TANC2: variants seen among roughly 807,000 people sequenced by gnomAD.
TANC2 encodes protein TANC2.
Under a neutral mutation model 210.5 loss-of-function variants are expected in TANC2, and 26 were observed. The ratio of observed to expected loss-of-function variants is 0.12; its 90% CI spans 0.09 to 0.17. The LOEUF (loss-of-function observed/expected upper bound fraction) is 0.17. Among genes scored for constraint, TANC2 ranks in the 10% least tolerant of loss-of-function variants. The pLI is 1.00. For missense variants in TANC2, 2,129 were observed against 2,608.9 expected (o/e 0.82, Z 4.01); for synonymous variants, 931 against 967.1 (o/e 0.96, Z 0.69).
intron 2 of TANC2, among the ~76,000 whole-genome samples, chr17:63,013,693 C>T (rs577078259): frequency 1.0e-4 from 14 of 134,974 alleles, no homozygotes; most frequent in African/African-American, 2.8e-4. Context: ...GCCTGGGAGG[C>T]GGAGGTTGCA....
rs555562467 is a variant in TANC2 at position 62,989,872 on chromosome 17, G to A, written c.-23-19665G>A. Among the ~76,000 whole-genome samples, 897 of 147,952 alleles carry A rather than the reference G, an allele frequency of 6.1e-3. 11 individuals are homozygous for A. The highest frequency in any genetic ancestry group is 0.022 in the African/African-American group (860 of 39,354). ...CTGCAACCTCGTCTCCTGGGTTCAAGTGATTCTTCTGCCTCAGCCTCCTGA... is the reference window on the plus strand; with the variant it reads ...CTGCAACCTCGTCTCCTGGGTTCAAATGATTCTTCTGCCTCAGCCTCCTGA... On this transcript the variant is annotated intron_variant, in intron 1 of 27. Coordinates refer to ENST00000689528, the Ensembl canonical transcript of TANC2.
chr17:63,240,248 G>A (rs754030210), intron 8 of TANC2, among the ~76,000 whole-genome samples: 9 of 152,240 alleles, frequency 5.9e-5, no homozygotes, highest in South Asian at 2.1e-4. Flanking sequence ...GAAAATTCTG[G>A]TTCTATTATT....
chr17:63,070,789 T>C (rs569842187), intron 2 of TANC2, among the ~76,000 whole-genome samples: 1 of 151,120 alleles, frequency 6.6e-6, no homozygotes, highest in Non-Finnish European at 1.5e-5. Flanking sequence ...TCATCCAGTA[T>C]CGAAAACCAC....
At chr17:63,329,874 C>G (rs985747080) in intron 11 of TANC2, among the ~76,000 whole-genome samples, 1 of 152,130 alleles carries the variant, frequency 6.6e-6, no homozygotes, top group Non-Finnish European at 1.5e-5. Context: ...CTGCACATCT[C>G]TCACATTAAA....
chr17:62,992,627 T>C (rs938750638), intron 1 of TANC2, among the ~76,000 whole-genome samples: 1 of 152,224 alleles, frequency 6.6e-6, no homozygotes, highest in Non-Finnish European at 1.5e-5. Context: ...AAAAGATACA[T>C]ATAATACAGT....
At chr17:63,129,995 C>G (rs143923711) in intron 4 of TANC2, among the ~76,000 whole-genome samples, 98 of 152,074 alleles carry the variant, frequency 6.4e-4, no homozygotes, top group African/African-American at 2.3e-3. Flanking sequence ...AAGTTGGCTT[C>G]ATATATACGG....
intron 4 of TANC2, among the ~76,000 whole-genome samples, chr17:63,123,611 T>C (rs545756952): frequency 9.2e-4 from 139 of 150,366 alleles, no homozygotes; most frequent in Middle Eastern, 3.4e-3. Context: ...TGAAAATAAG[T>C]AAGGTTTTAA....
In TANC2 at chr17:63,392,884, T is replaced by G. The variant is rs115796253; in HGVS notation, c.3052-2859T>G. ...TAGGCAAAAAAAAATGCATAGAGTT[T>G]CTATATATCCTCCATTCAGCTTCTC... On this transcript the variant is annotated intron_variant, in intron 17 of 27. Transcript: ENST00000689528. 2.9e-3 allele frequency among the ~76,000 whole-genome samples: 440 copies of G among 152,346 alleles called. 2 individuals are homozygous for G. The highest frequency in any genetic ancestry group is 0.01 in the African/African-American group (417 of 41,582).
intron 9 of TANC2, among the ~76,000 whole-genome samples, chr17:63,275,630 C>T (rs568298037): frequency 6.6e-6 from 1 of 152,222 alleles, no homozygotes; most frequent in Admixed American, 6.5e-5. Flanking sequence ...GGAATATTTC[C>T]ATCAGTCTTT....
At chr17:63,373,159 G>A (rs918110515) in intron 14 of TANC2, among the ~76,000 whole-genome samples, 2 of 151,994 alleles carry the variant, frequency 1.3e-5, no homozygotes, top group Admixed American at 1.3e-4. Context: ...GCCTCCCAAA[G>A]TGCCGAGACT....
chr17:63,087,540 A>G (rs979787122), intron 3 of TANC2, among the ~76,000 whole-genome samples: 1 of 152,114 alleles, frequency 6.6e-6, no homozygotes, highest in Non-Finnish European at 1.5e-5. Flanking sequence ...CTCTGGGAAA[A>G]TAATTTCTCC....
At chr17:63,081,007 T>C (rs965897097) in intron 3 of TANC2, among the ~76,000 whole-genome samples, 9 of 152,178 alleles carry the variant, frequency 5.9e-5, no homozygotes, top group African/African-American at 2.2e-4. Context: ...ATCAGTATTG[T>C]TGGTAGCATG....
In TANC2 at chr17:63,098,479, CA is replaced by C. The variant is rs1567721070; in HGVS notation, c.140-695del. On this transcript the variant is annotated intron_variant, in intron 3 of 27. Transcript: ENST00000689528. ...ACACACACACACACACACACACACACATACACTCTCTCTCTCTCTCTCTCTC... is the reference window on the plus strand; with the variant it reads ...ACACACACACACACACACACACACACTACACTCTCTCTCTCTCTCTCTCTC... Among the ~76,000 whole-genome samples the C allele has an allele frequency of 4.1e-3, 123 of 29,872 alleles. 1 individual carries two copies. Among genetic ancestry groups the C allele is most frequent in the Middle Eastern group, 0.015 (1 of 66 alleles). The allele number at this position is 29,872 out of a possible 152,430, so 19.6% of individuals were successfully genotyped here.
intron 5 of TANC2, among the ~76,000 whole-genome samples, chr17:63,180,002 G>A (rs1465196295): frequency 2.0e-5 from 3 of 149,446 alleles, no homozygotes; most frequent in Non-Finnish European, 4.4e-5. Context: ...AAGCCTTGGT[G>A]TGGTGGCACA....
intron 25 of TANC2, chr17:63,414,033 A>G (rs950580296): frequency 1.9e-5 from 3 of 154,468 alleles, no homozygotes; most frequent in African/African-American, 7.2e-5. Context: ...ATATAGTAAC[A>G]ATAGCTTATC....
chr17:63,205,133 C>A (rs1420113247), intron 7 of TANC2, among the ~76,000 whole-genome samples: 1 of 151,792 alleles, frequency 6.6e-6, no homozygotes, highest in Non-Finnish European at 1.5e-5. Context: ...TAAACTCTTG[C>A]ATATATGGTC....
At chr17:63,346,149 G>A (rs533126485) in intron 12 of TANC2, among the ~76,000 whole-genome samples, 21 of 152,126 alleles carry the variant, frequency 1.4e-4, no homozygotes, top group Non-Finnish European at 2.8e-4. Flanking sequence ...GACCTAAATA[G>A]AAAAGTTGTA....
chr17:63,019,456 G>A lies in TANC2; in HGVS notation c.67+9830G>A, dbSNP rs1598264745. Among the ~76,000 whole-genome samples, 7 of 152,156 alleles carry A rather than the reference G, an allele frequency of 4.6e-5. No homozygotes were observed. In the South Asian group the frequency reaches 1.5e-3, roughly 32 times the overall value. Reference sequence around the variant, plus strand: ...TGATCTCAAACTCCTGGCCTCAAGTGATCGGCCCTCTTTGGCCTCCCGAAG... The same window carrying A: ...TGATCTCAAACTCCTGGCCTCAAGTAATCGGCCCTCTTTGGCCTCCCGAAG... On this transcript the variant is annotated intron_variant, in intron 2 of 27. Transcript: ENST00000689528.
At chr17:63,349,736 T>C (rs2046536070) in intron 12 of TANC2, among the ~76,000 whole-genome samples, 1 of 152,156 alleles carries the variant, frequency 6.6e-6, no homozygotes, top group Non-Finnish European at 1.5e-5. Flanking sequence ...AATTCCTCTA[T>C]GGAAATTAAA....
Sources: gnomAD v4.1 joint callset for allele counts (sites outside exome capture counted in the v4.1 genomes callset) on GRCh38, gnomAD v4.1.1 for gene constraint, MANE v1.5 for transcripts, NCBI Gene and HGNC (gene_info 2026-07-23, HGNC 2026-07-21) for gene names.